Variants in RBFOX3 observed in about 807,000 individuals in gnomAD.
RBFOX3 encodes RNA binding fox-1 homolog 3.
RBFOX3 carries 17 observed loss-of-function variants against 48.7 expected under a neutral mutation model. The observed-to-expected ratio is 0.35, with a 90% CI of 0.24 to 0.52. The LOEUF is 0.52. Among genes scored for constraint, RBFOX3 ranks in the 20% least tolerant of loss-of-function variants. RBFOX3 has a pLI of 0.94. For missense variants in RBFOX3, 382 were observed against 497.5 expected (o/e 0.77, Z 2.21); for synonymous variants, 212 against 209.5 (o/e 1.01, Z -0.10).
At chr17:79,379,928 G>T (rs374789301) in intron 2 of RBFOX3, among the ~76,000 whole-genome samples, 93 of 152,192 alleles carry the variant, frequency 6.1e-4, no homozygotes, top group African/African-American at 2.1e-3. Flanking sequence ...TCCTCCTGCC[G>T]CGGCCTCTCC....
At chr17:79,371,152 C>T (rs1047860086) in intron 2 of RBFOX3, among the ~76,000 whole-genome samples, 1 of 152,230 alleles carries the variant, frequency 6.6e-6, no homozygotes, top group African/African-American at 2.4e-5. Context: ...ACCTCCTTCT[C>T]TGCCTTTCTT....
intron 4 of RBFOX3, among the ~76,000 whole-genome samples, chr17:79,187,624 C>T (rs1301500019): frequency 6.6e-6 from 1 of 151,992 alleles, no homozygotes; most frequent in East Asian, 1.9e-4. Context: ...AGGATGTGTG[C>T]GTGCCTGTGT....
At chr17:79,537,482 C>T (rs553188378) in intron 1 of RBFOX3, among the ~76,000 whole-genome samples, 40 of 152,308 alleles carry the variant, frequency 2.6e-4, no homozygotes, top group Admixed American at 1.2e-3. Context: ...CTGAGGGATA[C>T]ACAGCCAGCC....
At chr17:79,369,849 TC>T (rs1331725914) in intron 2 of RBFOX3, among the ~76,000 whole-genome samples, 1 of 152,084 alleles carries the variant, frequency 6.6e-6, no homozygotes, top group East Asian at 1.9e-4. Flanking sequence ...CCTGGCCTTG[TC>T]CCTCCTGTCC....
chr17:79,271,123 T>G (rs975763165), intron 3 of RBFOX3, among the ~76,000 whole-genome samples: 1 of 151,942 alleles, frequency 6.6e-6, no homozygotes, highest in African/African-American at 2.4e-5. Context: ...TCACCCAGGC[T>G]GGAGCGCAAT....
intron 4 of RBFOX3, among the ~76,000 whole-genome samples, chr17:79,127,844 C>T (rs1425843204): frequency 1.3e-5 from 2 of 152,158 alleles, no homozygotes; most frequent in Non-Finnish European, 2.9e-5. Flanking sequence ...AGATGAAAGG[C>T]GTCTCAGAGA....
At chr17:79,279,112 G>A (rs545564855) in intron 3 of RBFOX3, among the ~76,000 whole-genome samples, 227 of 152,234 alleles carry the variant, frequency 1.5e-3, no homozygotes, top group African/African-American at 5.2e-3. Flanking sequence ...GAACCACACC[G>A]TGATAGGAGG....
intron 1 of RBFOX3, among the ~76,000 whole-genome samples, chr17:79,514,635 C>T (rs927778311): frequency 3.1e-4 from 47 of 152,324 alleles, no homozygotes; most frequent in African/African-American, 1.0e-3. Context: ...GCCACCACAC[C>T]CCTAGTGTCC....
rs530686287 is a variant in RBFOX3, at chr17:79,115,113, T to C, written c.222+381A>G. On this transcript the variant is annotated intron_variant, in intron 5 of 14. Transcript: ENST00000693108. Reference sequence around the variant, plus strand: ...CTGCCTCTGCCCTCCGCCCGTCTCCTTCACTTTCCACTAACAGGTCTCTGG... The same window carrying C: ...CTGCCTCTGCCCTCCGCCCGTCTCCCTCACTTTCCACTAACAGGTCTCTGG... 5.9e-5 allele frequency among the ~76,000 whole-genome samples: 9 copies of C among 152,316 alleles called. No individual in the cohort carries two copies. The South Asian group carries it at 1.9e-3, about 32-fold the overall frequency.
chr17:79,159,000 A>G (rs2046394151), intron 4 of RBFOX3, among the ~76,000 whole-genome samples: 1 of 152,210 alleles, frequency 6.6e-6, no homozygotes, highest in Non-Finnish European at 1.5e-5. Context: ...GCTTTCATAC[A>G]GTGAAGGCGA....
At chr17:79,617,360 T>C in the RBFOX3 span, among the ~76,000 whole-genome samples, 1 of 152,072 alleles carries the variant, frequency 6.6e-6, no homozygotes, top group Non-Finnish European at 1.5e-5. Flanking sequence ...TCTCCCCTCG[T>C]TCCCCTTCCA....
At chr17:79,640,432 G>A in the RBFOX3 span, among the ~76,000 whole-genome samples, 1 of 152,158 alleles carries the variant, frequency 6.6e-6, no homozygotes, top group Non-Finnish European at 1.5e-5. Context: ...AAATCCCGAT[G>A]GCATTCTTTA....
chr17:79,143,182 G>A (rs1373712070), intron 4 of RBFOX3, among the ~76,000 whole-genome samples: 2 of 152,184 alleles, frequency 1.3e-5, no homozygotes, highest in African/African-American at 4.8e-5. Context: ...GTTTTGGGCA[G>A]CCTTGCATCT....
intron 4 of RBFOX3, among the ~76,000 whole-genome samples, chr17:79,224,576 G>A (rs939893137): frequency 4.6e-5 from 7 of 152,176 alleles, no homozygotes; most frequent in Non-Finnish European, 8.8e-5. Context: ...GTGGCCCTGC[G>A]GCCCAGGGAT....
chr17:79,619,207 G>A, the RBFOX3 span, among the ~76,000 whole-genome samples: 1 of 152,190 alleles, frequency 6.6e-6, no homozygotes, highest in Non-Finnish European at 1.5e-5. Context: ...CTTTTAGGAG[G>A]TGCAGAGACT....
rs141590154 is a variant in RBFOX3, at chr17:79,185,935, G to T, written c.-34+49831C>A. ...GGGGGAAACCAAGCTTGTAAACGAA[G>T]ACTGCAGCCTAATGTACTGAGAGCT... On this transcript the variant is annotated intron_variant, in intron 4 of 14. Transcript: ENST00000693108. Among the ~76,000 whole-genome samples the T allele has an allele frequency of 1.1e-4, 17 of 152,344 alleles. No individual in the cohort carries two copies. The East Asian group carries it at 3.1e-3, about 28-fold the overall frequency.
At chr17:79,384,665 G>A (rs2060342012) in intron 2 of RBFOX3, among the ~76,000 whole-genome samples, 1 of 152,230 alleles carries the variant, frequency 6.6e-6, no homozygotes, top group South Asian at 2.1e-4. Context: ...TGATGCCTCG[G>A]GAAGTCCACA....
chr17:79,292,612 A>ACACACACACACACACG (rs1567988425), intron 3 of RBFOX3, among the ~76,000 whole-genome samples: 7 of 68,784 alleles, frequency 1.0e-4, no homozygotes, highest in African/African-American at 3.4e-4. Context: ...ACACACACAC[A>ACACACACACACACACG]CACATACATG....
intron 2 of RBFOX3, among the ~76,000 whole-genome samples, chr17:79,412,292 GTGTA>G (rs921200064): frequency 4.6e-5 from 7 of 151,664 alleles, no homozygotes; most frequent in African/African-American, 1.2e-4. Flanking sequence ...ATGAACATGT[GTGTA>G]TGTATGTGGG....
Sources: gnomAD v4.1 joint callset for allele counts (sites outside exome capture counted in the v4.1 genomes callset) on GRCh38, gnomAD v4.1.1 for gene constraint, MANE v1.5 for transcripts, NCBI Gene and HGNC (gene_info 2026-07-23, HGNC 2026-07-21) for gene names.